Variants in ATP2C2 observed in about 807,000 individuals in gnomAD.
The protein encoded by ATP2C2 is calcium-transporting ATPase type 2C member 2.
In ATP2C2, 171 loss-of-function variants were observed where a neutral mutation model predicts 110.8. The observed-to-expected ratio is 1.54, with a 90% CI of 1.36 to 1.75. The LOEUF (loss-of-function observed/expected upper bound fraction) is 1.75, where lower values mean the gene tolerates loss of function less well. Among genes scored for constraint, ATP2C2 ranks in the 40% most tolerant of loss-of-function variants. ATP2C2 has a pLI of 0.00. For missense variants in ATP2C2, 1,963 were observed against 1,235.0 expected, an observed-to-expected ratio of 1.59 and a Z score of -8.84; for synonymous variants, 804 against 508.4, an observed-to-expected ratio of 1.58 and a Z score of -7.82.
chr16:84,451,882 G>GC, intron 17 of ATP2C2, 39 bp from the exon 18 acceptor site: 1 of 1,576,182 alleles, frequency 6.3e-7, no homozygotes, highest in Non-Finnish European at 8.6e-7. Context: ...CGGCCCCTAA[G>GC]CCCCCGGTGA....
At chr16:84,461,200 C>A in intron 24 of ATP2C2, 1 of 250,738 alleles carries the variant, frequency 4.0e-6, no homozygotes. Context: ...CTTTTCATGG[C>A]CTGCAGGTTC....
chr16:84,403,900 A>T (rs1905521761), intron 2 of ATP2C2, among the ~76,000 whole-genome samples: 1 of 152,180 alleles, frequency 6.6e-6, no homozygotes, highest in African/African-American at 2.4e-5. Flanking sequence ...CATGTTGACA[A>T]GGCTGCTCTC....
In ATP2C2 at chr16:84,398,427, T is replaced by C. The variant is rs764572757; in HGVS notation, c.100-72T>C. On this transcript the variant is annotated intron_variant, in intron 1 of 26. Transcript: ENST00000262429. ...TCTCAAAAAAATAAACTAATAAAAATAAAAAATAAATTTAAAAATTAATCA... is the reference window on the plus strand; with the variant it reads ...TCTCAAAAAAATAAACTAATAAAAACAAAAAATAAATTTAAAAATTAATCA... The C allele has an allele frequency of 7.7e-5, 72 of 932,766 alleles. 1 individual carries two copies. Among genetic ancestry groups the C allele is most frequent in the Non-Finnish European group, 1.1e-4 (71 of 671,560 alleles). The allele number at this position is 932,766 out of a possible 1,614,324, so 57.8% of individuals were successfully genotyped here.
In ATP2C2 at chr16:84,442,559, G is replaced by C. The variant is rs1267538810; in HGVS notation, c.1361G>C (p.Gly454Ala). The C allele has an allele frequency of 3.7e-6, 6 of 1,614,072 alleles. No homozygotes were observed. Among genetic ancestry groups the C allele is most frequent in the Non-Finnish European group, 5.1e-6 (6 of 1,179,990 alleles). The part of the protein sequence containing the change: ...NAVIRKNAVM[G>A]QPTEGALMAL... Reference sequence around the variant, plus strand: ...GTCATCAGAAAGAACGCCGTGATGGGGCAGCCCACCGAGGGTGCATTGATG... The same window carrying C: ...GTCATCAGAAAGAACGCCGTGATGGCGCAGCCCACCGAGGGTGCATTGATG... Residue 454 changes from glycine to alanine, a missense_variant, in exon 15 of 27, where the codon GGG becomes GCG. By Grantham distance (60) the Gly-to-Ala change is moderately conservative. Coordinates refer to ENST00000262429, the MANE Select transcript of ATP2C2 (RefSeq NM_014861.4).
At chr16:84,440,584 T>G (rs1427748182) in intron 13 of ATP2C2, among the ~76,000 whole-genome samples, 1 of 152,252 alleles carries the variant, frequency 6.6e-6, no homozygotes, top group African/African-American at 2.4e-5. Flanking sequence ...CACTCTTCTA[T>G]GCTAGTTCTT....
chr16:84,453,909 C>T (rs1446325619), intron 20 of ATP2C2, among the ~76,000 whole-genome samples: 5 of 151,968 alleles, frequency 3.3e-5, no homozygotes, highest in South Asian at 4.1e-4. Flanking sequence ...GGCACAATCT[C>T]GGCTTACTTC....
At chr16:84,406,248 A>G (rs1187365655) in intron 3 of ATP2C2, among the ~76,000 whole-genome samples, 1 of 152,202 alleles carries the variant, frequency 6.6e-6, no homozygotes, top group Non-Finnish European at 1.5e-5. Context: ...AAAAACTGCA[A>G]TTGACATGGC....
chr16:84,439,482 G>A lies in ATP2C2; in HGVS notation c.1167G>A (p.Met389Ile). ...CGGGGACTCTGACTGCCAATGAAAT[G>A]ACAGTGACCCAGCTTGTAACGTCAG... ...DKTGTLTANE[M>I]TVTQLVTSDG... Residue 389 changes from methionine to isoleucine, a missense_variant, in exon 13 of 27, where the codon ATG becomes ATA. Met to Ile is a conservative substitution (Grantham distance 10). Transcript: ENST00000262429. 1 of 1,614,176 alleles carries A rather than the reference G, an allele frequency of 6.2e-7. No homozygotes were observed. The highest frequency in any genetic ancestry group is 8.5e-7 in the Non-Finnish European group (1 of 1,180,032).
intron 1 of ATP2C2, among the ~76,000 whole-genome samples, chr16:84,373,345 C>T (rs189361542): frequency 1.2e-3 from 190 of 152,126 alleles, no homozygotes; most frequent in South Asian, 1.9e-3. Context: ...ACTAAAAATA[C>T]AAAAATTAGC....
intron 1 of ATP2C2, among the ~76,000 whole-genome samples, chr16:84,387,466 T>C (rs1208797519): frequency 1.3e-5 from 2 of 151,872 alleles, no homozygotes; most frequent in African/African-American, 4.8e-5. Flanking sequence ...GAGCCGAGAT[T>C]GCGCCATTGC....
At position 84,448,548 on chromosome 16, in the gene ATP2C2, T is replaced by C. The variant is rs745881791; in HGVS notation, c.1519T>C (p.Tyr507His). 1.2e-6 allele frequency: 2 copies of C among 1,612,326 alleles called. No homozygotes were observed. Among genetic ancestry groups the C allele is most frequent in the Non-Finnish European group, 1.7e-6 (2 of 1,178,992 alleles). ...CTTTTCTAAGGATCAGGAAGACATT[T>C]ACTTCATGAAAGGGGCCTTGGAAGA... ...SLKTEDQEDI[Y>H]FMKGALEEVI... Residue 507 changes from tyrosine to histidine, a missense_variant, in exon 17 of 27, where the codon TAC (tyrosine) becomes CAC (histidine). Coordinates refer to ENST00000262429, the MANE Select transcript of ATP2C2 (RefSeq NM_014861.4).
intron 10 of ATP2C2, among the ~76,000 whole-genome samples, chr16:84,424,599 TAAC>T (rs1907644650): frequency 2.6e-4 from 34 of 131,270 alleles, no homozygotes; most frequent in African/African-American, 5.6e-4. Context: ...TTTTTTTTTT[TAAC>T]ATTTTGGGAA....
intron 1 of ATP2C2, among the ~76,000 whole-genome samples, chr16:84,384,981 G>A (rs531336069): frequency 7.5e-4 from 114 of 152,310 alleles, no homozygotes; most frequent in African/African-American, 2.4e-3. Flanking sequence ...CCCAGGAGGC[G>A]GAGGTTGCAG....
intron 1 of ATP2C2, among the ~76,000 whole-genome samples, chr16:84,387,655 G>A (rs1904396143): frequency 6.6e-6 from 1 of 152,222 alleles, no homozygotes; most frequent in Admixed American, 6.5e-5. Flanking sequence ...TCATGGAAAT[G>A]CACCAGTGAA....
intron 15 of ATP2C2, among the ~76,000 whole-genome samples, chr16:84,444,745 C>A (rs548647608): frequency 6.6e-6 from 1 of 151,798 alleles, no homozygotes; most frequent in Non-Finnish European, 1.5e-5. Context: ...AAGAGATTTC[C>A]TTGATGTGTT....
At position 84,459,263 on chromosome 16, in the gene ATP2C2, C is replaced by T. The variant is rs768399662; in HGVS notation, c.2217-7C>T. On this transcript the variant is annotated splice_polypyrimidine_tract_variant and splice_region_variant and intron_variant, in intron 22 of 26. Coordinates refer to ENST00000262429, the MANE Select transcript of ATP2C2 (RefSeq NM_014861.4). ...GCGGCCGCTGACTGGCTGCGTGTGC[C>T]CCGCAGGAGCATCTCCGCCCTGAGT... 1 of 1,614,148 alleles carries T rather than the reference C, an allele frequency of 6.2e-7. No individual in the cohort carries two copies. Among genetic ancestry groups the T allele is most frequent in the Non-Finnish European group, 8.5e-7 (1 of 1,179,992 alleles).
At chr16:84,382,916 A>AC (rs1382032023) in intron 1 of ATP2C2, among the ~76,000 whole-genome samples, 20 of 148,368 alleles carry the variant, frequency 1.3e-4, no homozygotes, top group Non-Finnish European at 2.7e-4. Context: ...AAAAAAAAAA[A>AC]GTAAAGAAAG....
chr16:84,424,531 G>T (rs1217180867), intron 10 of ATP2C2, among the ~76,000 whole-genome samples: 1 of 149,514 alleles, frequency 6.7e-6, no homozygotes, highest in Non-Finnish European at 1.5e-5. Context: ...GCCCGCCTTG[G>T]CCTCCCAAAG....
chr16:84,425,181 G>A (rs1199880807), intron 10 of ATP2C2, among the ~76,000 whole-genome samples: 2 of 152,142 alleles, frequency 1.3e-5, no homozygotes, highest in South Asian at 4.1e-4. Flanking sequence ...AGCTCTCCAA[G>A]GGTGTCACCT....
Sources: gnomAD v4.1 joint callset for allele counts (sites outside exome capture counted in the v4.1 genomes callset) on GRCh38, gnomAD v4.1.1 for gene constraint, MANE v1.5 for transcripts, NCBI Gene and HGNC (gene_info 2026-07-23, HGNC 2026-07-21) for gene names.